Variants in CFAP263 observed in about 807,000 individuals in gnomAD.
The protein encoded by CFAP263 is cilia- and flagella-associated protein 263.
the CFAP263 span, chr16:58,262,261 G>A: frequency 1.2e-6 from 1 of 850,802 alleles, no homozygotes; most frequent in Admixed American, 2.1e-5. Context: ...TGCCCAATAT[G>A]TGTTTGCTGA....
At chr16:58,266,306 T>G in the CFAP263 span, among the ~76,000 whole-genome samples, 6 of 149,136 alleles carry the variant, frequency 4.0e-5, no homozygotes, top group South Asian at 1.3e-3. Context: ...AGTTCTTTCC[T>G]TAGCTTGGAA....
the CFAP263 span, among the ~76,000 whole-genome samples, chr16:58,269,974 G>T: frequency 1.3e-5 from 2 of 152,280 alleles, no homozygotes; most frequent in Admixed American, 1.3e-4. Context: ...GTATGAGAGG[G>T]TTCCAGTTTT....
chr16:58,262,311 G>A, the CFAP263 span: 3 of 1,382,170 alleles, frequency 2.2e-6, no homozygotes, highest in Non-Finnish European at 3.0e-6. Flanking sequence ...CTTGTCAAGA[G>A]TTGCAAGATG....
the CFAP263 span, chr16:58,278,487 G>A: frequency 6.2e-7 from 1 of 1,613,978 alleles, no homozygotes; most frequent in Non-Finnish European, 8.5e-7. Flanking sequence ...CCCAGGACCG[G>A]GCCAAAGCCG....
At chr16:58,262,346 C>G in the CFAP263 span, 4 of 1,568,000 alleles carry the variant, frequency 2.6e-6, no homozygotes, top group African/African-American at 5.4e-5. Flanking sequence ...AGAATCACAA[C>G]TGACGTATCA....
chr16:58,279,857 A>C, the CFAP263 span: 21 of 1,135,640 alleles, frequency 1.8e-5, no homozygotes, highest in Non-Finnish European at 2.4e-5. Flanking sequence ...GGCTCCTCTC[A>C]CTGTTCCCTG....
chr16:58,279,228 T>C, the CFAP263 span, among the ~76,000 whole-genome samples: 1 of 151,934 alleles, frequency 6.6e-6, no homozygotes, highest in Admixed American at 6.6e-5. Flanking sequence ...CAAACTGAGG[T>C]CATGCAGGAC....
the CFAP263 span, chr16:58,267,506 T>C: frequency 5.0e-6 from 8 of 1,613,844 alleles, no homozygotes; most frequent in Non-Finnish European, 6.8e-6. Flanking sequence ...AATGGAAATA[T>C]ACCTCAATCT....
chr16:58,257,035 T>TTTTTTTTTTTTTTTAAG, the CFAP263 span, among the ~76,000 whole-genome samples: 2 of 81,288 alleles, frequency 2.5e-5, no homozygotes, highest in African/African-American at 9.5e-5. Context: ...TTTTTTTTTT[T>TTTTTTTTTTTTTTTAAG]GAGACGGAGT....
At chr16:58,280,189 A>G in the CFAP263 span, 3 of 1,568,558 alleles carry the variant, frequency 1.9e-6, no homozygotes, top group Non-Finnish European at 2.6e-6. Flanking sequence ...CAGCATTCTC[A>G]GTTTACTCTT....
the CFAP263 span, among the ~76,000 whole-genome samples, chr16:58,257,481 G>A: frequency 6.6e-6 from 1 of 151,760 alleles, no homozygotes; most frequent in Non-Finnish European, 1.5e-5. Flanking sequence ...GGAGTGCAGT[G>A]GCTATTCGCG....
the CFAP263 span, chr16:58,252,693 T>C: frequency 1.2e-6 from 2 of 1,601,128 alleles, no homozygotes; most frequent in Admixed American, 1.7e-5. Context: ...TAAACTCTTA[T>C]TACTAGAACT....
chr16:58,276,905 G>C, the CFAP263 span, among the ~76,000 whole-genome samples: 3 of 152,152 alleles, frequency 2.0e-5, no homozygotes, highest in Admixed American at 2.0e-4. Flanking sequence ...AGTGAATAGA[G>C]TATGCTACTA....
chr16:58,278,707 T>G, the CFAP263 span: 1 of 1,473,180 alleles, frequency 6.8e-7, no homozygotes, highest in South Asian at 1.2e-5. Flanking sequence ...GATTTTGTTC[T>G]TTGGGGTAAG....
At chr16:58,250,035 G>A in the CFAP263 span, 2 of 1,596,492 alleles carry the variant, frequency 1.3e-6, no homozygotes, top group African/African-American at 2.7e-5. Context: ...ATGAGTCCGA[G>A]AGCGTCCTCT....
At chr16:58,279,760 T>G in the CFAP263 span, 2 of 1,613,672 alleles carry the variant, frequency 1.2e-6, no homozygotes, top group Admixed American at 1.7e-5. Flanking sequence ...GCAGGCAGAT[T>G]ACCTTGCTGG....
chr16:58,252,535 C>T, the CFAP263 span, among the ~76,000 whole-genome samples: 1 of 152,096 alleles, frequency 6.6e-6, no homozygotes, highest in African/African-American at 2.4e-5. Context: ...GTGTCAGGCA[C>T]TGTGCCAGAG....
At chr16:58,250,022 A>G in the CFAP263 span, 2 of 1,591,074 alleles carry the variant, frequency 1.3e-6, no homozygotes, top group Admixed American at 1.8e-5. Context: ...GTGATGACTG[A>G]TGATGAGTCC....
chr16:58,259,221 A>T, the CFAP263 span, among the ~76,000 whole-genome samples: 1 of 151,998 alleles, frequency 6.6e-6, no homozygotes, highest in Non-Finnish European at 1.5e-5. Context: ...CTTTTTCAAA[A>T]TTTTAAAAAA....
Sources: gnomAD v4.1 joint callset for allele counts (sites outside exome capture counted in the v4.1 genomes callset) on GRCh38, gnomAD v4.1.1 for gene constraint, MANE v1.5 for transcripts, NCBI Gene and HGNC (gene_info 2026-07-23, HGNC 2026-07-21) for gene names.